KCTD19: variants seen among roughly 807,000 people sequenced by gnomAD.
The protein encoded by KCTD19 is potassium channel tetramerization domain containing 19, also known as BTB/POZ domain-containing protein KCTD19.
A neutral mutation model predicts 103.5 loss-of-function variants in KCTD19; 67 were observed. That is an observed-to-expected ratio of 0.65 (90% CI 0.53 to 0.79). The LOEUF (loss-of-function observed/expected upper bound fraction) is 0.79. KCTD19 is among the 30% of genes least tolerant of loss of function. KCTD19 has a pLI of 0.00. For synonymous variants in KCTD19, 439 were observed against 452.2 expected, an observed-to-expected ratio of 0.97 and a Z score of 0.37; for missense variants, 980 against 1,136.1, an observed-to-expected ratio of 0.86 and a Z score of 1.98.
intron 7 of KCTD19, among the ~76,000 whole-genome samples, chr16:67,296,796 G>A (rs1231268258): frequency 1.3e-5 from 2 of 152,066 alleles, no homozygotes; most frequent in African/African-American, 4.8e-5. Context: ...CTGATGTTTG[G>A]GAAGCAGTTT....
Position 67,299,356 on chromosome 16 carries a change from A to G in KCTD19, c.986+7T>C, listed in dbSNP as rs2142506842. ...TGGGACTCAGTGTGCCCTAAGGAGG[A>G]CCTCACTTGACGTGCTGAAAGAGGA... On this transcript the variant is annotated splice_region_variant and intron_variant, in intron 6 of 15. Transcript: ENST00000304372. The G allele has an allele frequency of 6.2e-7, 1 of 1,613,782 alleles. No homozygotes were observed. Among genetic ancestry groups the G allele is most frequent in the African/African-American group, 1.3e-5 (1 of 75,032 alleles).
intron 2 of KCTD19, among the ~76,000 whole-genome samples, chr16:67,307,748 C>T (rs1394532875): frequency 6.6e-6 from 1 of 152,208 alleles, no homozygotes; most frequent in African/African-American, 2.4e-5. Flanking sequence ...ACCACTGGGC[C>T]AGACCCATCA....
rs368567243 is a variant in KCTD19 at position 67,301,884 on chromosome 16, T to C, written c.682A>G (p.Asn228Asp). The change falls in exon 5 of 16, where the codon AAT (asparagine) becomes GAT (aspartate). Residue 228 changes from asparagine (N) to aspartate (D), a missense_variant. Physicochemically the swap from Asn to Asp is conservative, Grantham distance 23 (BLOSUM62 1). Transcript: ENST00000304372. Reference sequence around the variant, plus strand: ...TCTAATACATCAATGTTGGAGAAATTATCCGGTAGTAAAATCTTCTGTGAG... The same window carrying C: ...TCTAATACATCAATGTTGGAGAAATCATCCGGTAGTAAAATCTTCTGTGAG... The part of the protein sequence containing the change: ...LRSQKILLPD[N>D]FSNIDVLEAE... 7.4e-6 allele frequency: 12 copies of C among 1,613,516 alleles called. No individual in the cohort carries two copies. In the African/African-American group the frequency reaches 1.5e-4, roughly 20 times the overall value.
rs751805831 is a variant in KCTD19, at chr16:67,295,134, G to A, written c.1392-78C>T. On this transcript the variant is annotated intron_variant, in intron 9 of 15. Transcript: ENST00000304372. ...GGGAGCATGAGCTCCTGGAACTGCC[G>A]CTGCCAACAGTTCCCACGATGGAAA... The A allele has an allele frequency of 9.0e-5, 140 of 1,553,696 alleles. 2 individuals are homozygous for A. In the South Asian group the frequency reaches 1.1e-3, roughly 12 times the overall value.
At chr16:67,297,770 A>T (rs557180441) in intron 6 of KCTD19, 107 bp from the exon 7 acceptor site, 1 of 1,031,268 alleles carries the variant, frequency 9.7e-7, no homozygotes, top group East Asian at 2.5e-5. Flanking sequence ...CACTGGCTTA[A>T]ATCAGGCATC....
Position 67,295,144 on chromosome 16 carries a change from G to T in KCTD19, c.1392-88C>A. The T allele has an allele frequency of 1.5e-5, 24 of 1,562,674 alleles. 2 individuals are homozygous for T. The South Asian group carries it at 1.9e-4, about 12-fold the overall frequency. ...GCTCCTGGAACTGCCGCTGCCAACA[G>T]TTCCCACGATGGAAATAAAATAACC... On this transcript the variant is annotated intron_variant, in intron 9 of 15. Coordinates refer to ENST00000304372, the MANE Select transcript of KCTD19 (RefSeq NM_001100915.3).
intron 4 of KCTD19, 44 bp from the exon 5 acceptor site, chr16:67,301,966 C>G (rs1222835423): frequency 6.2e-7 from 1 of 1,606,010 alleles, no homozygotes. Flanking sequence ...GAGGCTATTT[C>G]TGGTTTAGCT....
intron 2 of KCTD19, among the ~76,000 whole-genome samples, chr16:67,314,366 C>G (rs2036980479): frequency 1.3e-5 from 2 of 151,864 alleles, no homozygotes; most frequent in South Asian, 4.2e-4. Context: ...CAGAATCAAG[C>G]AACCATCACC....
In KCTD19 at chr16:67,301,871, A is replaced by G. The variant is rs146555775; in HGVS notation, c.695T>C (p.Ile232Thr). The G allele has an allele frequency of 2.5e-5, 40 of 1,612,676 alleles. No homozygotes were observed. Among genetic ancestry groups the G allele is most frequent in the African/African-American group, 2.4e-4 (18 of 74,984 alleles). ...TTCCACTTCTGCTTCTAATACATCA[A>G]TGTTGGAGAAATTATCCGGTAGTAA... ...KILLPDNFSN[I>T]DVLEAEVEIL... Residue 232 changes from isoleucine (I) to threonine (T), a missense_variant, in exon 5 of 16, where the codon ATT (isoleucine) becomes ACT (threonine). Coordinates refer to ENST00000304372, the MANE Select transcript of KCTD19 (RefSeq NM_001100915.3).
chr16:67,301,889 G>A lies in KCTD19; in HGVS notation c.677C>T (p.Pro226Leu), dbSNP rs1195572442. The change falls in exon 5 of 16, where the codon CCG becomes CTG. Residue 226 changes from proline to leucine, a missense_variant. Pro to Leu is a moderately conservative substitution (Grantham distance 98). Transcript: ENST00000304372. ...NFLRSQKILL[P>L]DNFSNIDVLE... ...TACATCAATGTTGGAGAAATTATCCGGTAGTAAAATCTTCTGTGAGCGAAG... is the reference window on the plus strand; with the variant it reads ...TACATCAATGTTGGAGAAATTATCCAGTAGTAAAATCTTCTGTGAGCGAAG... 7 of 1,613,072 alleles carry A rather than the reference G, an allele frequency of 4.3e-6. No individual in the cohort carries two copies. Among genetic ancestry groups the A allele is most frequent in the South Asian group, 2.2e-5 (2 of 91,064 alleles).
chr16:67,303,106 A>T lies in KCTD19; in HGVS notation c.643+40T>A. The T allele has an allele frequency of 2.0e-6, 1 of 505,888 alleles. No individual in the cohort carries two copies. Among genetic ancestry groups the T allele is most frequent in the Non-Finnish European group, 3.8e-6 (1 of 260,692 alleles). 31.3% of individuals were successfully genotyped at this position (505,888 alleles called of 1,614,324 possible). On this transcript the variant is annotated intron_variant, in intron 4 of 15. Transcript: ENST00000304372. This position sits in a 1 kb window ranked among gnomAD's most constrained non-coding sequence, Gnocchi z 4.3. ...TGATGGGGAGGGGTGAATGGGCCCT[A>T]TCAGCCCGCCCCCCACCCCACCCCG...
chr16:67,291,860 G>A (rs750350954), intron 12 of KCTD19, 23 bp from the exon 13 acceptor site: 3 of 1,527,322 alleles, frequency 2.0e-6, no homozygotes, highest in Admixed American at 2.2e-5. Context: ...CATAGGGAGG[G>A]GGCTCTCCTT....
chr16:67,306,478 C>T (rs939399334), intron 2 of KCTD19, among the ~76,000 whole-genome samples: 1 of 152,156 alleles, frequency 6.6e-6, no homozygotes, highest in Non-Finnish European at 1.5e-5. Flanking sequence ...GTTGGCCAGG[C>T]TGGTCTCAAA....
chr16:67,326,301 C>A (rs2037167127), intron 1 of KCTD19, among the ~76,000 whole-genome samples: 2 of 152,132 alleles, frequency 1.3e-5, no homozygotes. Context: ...AGCCAGGATT[C>A]CCAACCTTTC....
Position 67,320,246 on chromosome 16 carries a change from C to A in KCTD19, c.300+343G>T, listed in dbSNP as rs558492279. 1.3e-5 allele frequency among the ~76,000 whole-genome samples: 2 copies of A among 152,212 alleles called. No homozygotes were observed. The highest frequency in any genetic ancestry group is 2.1e-4 in the South Asian group (1 of 4,814). ...GTCAACATGGAAAGGATTGGCCGGG[C>A]ATGGTGGCATGCACCTGTGTTCCCA... is the stretch of plus-strand genomic sequence containing the variant. On this transcript the variant is annotated intron_variant, in intron 2 of 15. Coordinates refer to ENST00000304372, the MANE Select transcript of KCTD19 (RefSeq NM_001100915.3). This position sits in a 1 kb window ranked among gnomAD's most constrained non-coding sequence, Gnocchi z 4.0.
chr16:67,301,607 C>A lies in KCTD19; in HGVS notation c.775+184G>T, dbSNP rs74943164. Among the ~76,000 whole-genome samples the A allele has an allele frequency of 1.6e-3, 249 of 152,206 alleles. 1 individual carries two copies. Among genetic ancestry groups the A allele is most frequent in the African/African-American group, 5.8e-3 (240 of 41,536 alleles). ...CCCACCCTCAGTGGGAAGGCTGAGC[C>A]GGCAGGGCAGCACACAGGGTTTCAG... On this transcript the variant is annotated intron_variant, in intron 5 of 15. Transcript: ENST00000304372.
intron 1 of KCTD19, among the ~76,000 whole-genome samples, chr16:67,322,747 G>C (rs2037089309): frequency 6.6e-6 from 1 of 152,172 alleles, no homozygotes; most frequent in East Asian, 1.9e-4. Flanking sequence ...GTGCTTTAGA[G>C]GGCACCATCA....
chr16:67,290,167 CTTTTTT>C (rs11296444), intron 15 of KCTD19, among the ~76,000 whole-genome samples: 1 of 69,282 alleles, frequency 1.4e-5, no homozygotes, highest in African/African-American at 5.8e-5. Context: ...TGAATATTTT[CTTTTTT>C]TTTTTTTTTT....
At chr16:67,319,549 A>C (rs1268495134) in intron 2 of KCTD19, among the ~76,000 whole-genome samples, 2 of 152,166 alleles carry the variant, frequency 1.3e-5, no homozygotes, top group Non-Finnish European at 2.9e-5. Flanking sequence ...GGTTAAAAAG[A>C]ATTGTTCAAA....
Sources: gnomAD v4.1 joint callset for allele counts (sites outside exome capture counted in the v4.1 genomes callset) on GRCh38, gnomAD v4.1.1 for gene constraint, Gnocchi (gnomAD v3.1) non-coding constraint, MANE v1.5 for transcripts, NCBI Gene and HGNC (gene_info 2026-07-23, HGNC 2026-07-21) for gene names.